The following NUP98 variants were observed in gnomAD, a reference collection of about 807,000 sequenced individuals.
NUP98 encodes nuclear pore complex protein Nup98-Nup96.
A neutral mutation model predicts 191.9 loss-of-function variants in NUP98; 26 were observed. The observed-to-expected ratio is 0.14, with a 90% CI of 0.10 to 0.19. The LOEUF is 0.19. Among genes scored for constraint, NUP98 ranks in the 10% least tolerant of loss-of-function variants. The pLI is 1.00. For missense variants in NUP98, 1,941 were observed against 2,178.8 expected (o/e 0.89, Z 2.17); for synonymous variants, 808 against 778.4 (o/e 1.04, Z -0.63).
chr11:3,770,161 A>G (rs1478703350), intron 7 of NUP98, among the ~76,000 whole-genome samples: 2 of 151,978 alleles, frequency 1.3e-5, no homozygotes, highest in African/African-American at 2.4e-5. Flanking sequence ...CCTGGCCAAC[A>G]TGGTGAAACC....
At chr11:3,754,798 T>C (rs778162121) in intron 10 of NUP98, among the ~76,000 whole-genome samples, 4 of 151,800 alleles carry the variant, frequency 2.6e-5, no homozygotes, top group Admixed American at 1.3e-4. Flanking sequence ...ACAAATTAGC[T>C]GGGTGTGGTG....
At chr11:3,763,418 T>G (rs905253215) in intron 8 of NUP98, among the ~76,000 whole-genome samples, 1 of 152,198 alleles carries the variant, frequency 6.6e-6, no homozygotes, top group Non-Finnish European at 1.5e-5. Flanking sequence ...AAATAGTATG[T>G]CTAGGTCCTT....
At chr11:3,743,897 C>A (rs1020373722) in intron 12 of NUP98, among the ~76,000 whole-genome samples, 5 of 148,904 alleles carry the variant, frequency 3.4e-5, no homozygotes, top group Non-Finnish European at 7.4e-5. Flanking sequence ...GCTCAAGATA[C>A]CAAAAAAAAA....
chr11:3,701,942 C>T (rs1433648801), intron 23 of NUP98, among the ~76,000 whole-genome samples: 1 of 152,030 alleles, frequency 6.6e-6, no homozygotes, highest in African/African-American at 2.4e-5. Context: ...CCATCTTGGC[C>T]TCCCAAAGTG....
At chr11:3,729,509 C>T (rs943107050) in intron 14 of NUP98, among the ~76,000 whole-genome samples, 3 of 140,636 alleles carry the variant, frequency 2.1e-5, no homozygotes, top group Admixed American at 7.3e-5. Flanking sequence ...GAGTTCGAGA[C>T]CACCGTGGGC....
At chr11:3,693,401 G>A in intron 26 of NUP98, 26 bp from the exon 27 acceptor site, 1 of 1,612,308 alleles carries the variant, frequency 6.2e-7, no homozygotes, top group Admixed American at 1.7e-5. Flanking sequence ...TCATCACCAT[G>A]GCTATATTCT....
At chr11:3,706,692 T>A (rs2078872287) in intron 20 of NUP98, 65 bp from the exon 21 acceptor site, 1 of 1,408,812 alleles carries the variant, frequency 7.1e-7, no homozygotes, top group Admixed American at 1.8e-5. Flanking sequence ...AGATTCTAAA[T>A]CAGATTTACT....
intron 20 of NUP98, among the ~76,000 whole-genome samples, chr11:3,711,029 C>T (rs1013494109): frequency 6.6e-6 from 1 of 151,992 alleles, no homozygotes; most frequent in Non-Finnish European, 1.5e-5. Context: ...CACTTGAGGC[C>T]AGGAGTTCAA....
At chr11:3,742,560 G>A (rs61877594) in intron 12 of NUP98, among the ~76,000 whole-genome samples, 7,677 of 151,890 alleles carry the variant, frequency 0.051, 256 homozygotes, top group Middle Eastern at 0.099. Context: ...AATTATATGC[G>A]TGGTGGCAGG....
intron 23 of NUP98, among the ~76,000 whole-genome samples, chr11:3,702,172 A>G (rs1037844416): frequency 1.3e-5 from 2 of 151,398 alleles, no homozygotes; most frequent in Non-Finnish European, 2.9e-5. Flanking sequence ...TGAGAGGCAG[A>G]GGTTGCAGCA....
At chr11:3,685,166 T>C (rs1256859849) in intron 29 of NUP98, among the ~76,000 whole-genome samples, 1 of 152,244 alleles carries the variant, frequency 6.6e-6, no homozygotes, top group Non-Finnish European at 1.5e-5. Flanking sequence ...TAAATGTTCA[T>C]TTTGTGTAAT....
intron 7 of NUP98, among the ~76,000 whole-genome samples, chr11:3,770,418 T>C (rs1488916859): frequency 6.6e-6 from 1 of 151,382 alleles, no homozygotes; most frequent in African/African-American, 2.4e-5. Context: ...ATCAGGGCTG[T>C]AGTGAGCCCT....
chr11:3,679,465 C>A, intron 31 of NUP98, 89 bp downstream of exon 31: 5 of 1,427,456 alleles, frequency 3.5e-6, no homozygotes, highest in Non-Finnish European at 3.9e-6. Context: ...AGTGCATTCT[C>A]AAGTGTATAC....
intron 22 of NUP98, among the ~76,000 whole-genome samples, chr11:3,704,322 T>A (rs1055692672): frequency 6.6e-6 from 1 of 152,226 alleles, no homozygotes; most frequent in African/African-American, 2.4e-5. Context: ...CTGCTTAAGT[T>A]CTTTGCTGAT....
chr11:3,779,469 C>T (rs2081874000), intron 2 of NUP98, among the ~76,000 whole-genome samples: 1 of 151,710 alleles, frequency 6.6e-6, no homozygotes, highest in African/African-American at 2.4e-5. Context: ...TGGAGAAACC[C>T]CGTTTCTACT....
intron 10 of NUP98, among the ~76,000 whole-genome samples, chr11:3,757,049 CTGCA>C (rs1046949153): frequency 6.6e-6 from 1 of 151,208 alleles, no homozygotes; most frequent in Non-Finnish European, 1.5e-5. Context: ...GATCGTGCCG[CTGCA>C]CTCCAGCCCG....
chr11:3,780,120 T>G (rs1005327351), intron 2 of NUP98, among the ~76,000 whole-genome samples: 6 of 152,124 alleles, frequency 3.9e-5, no homozygotes, highest in Non-Finnish European at 8.8e-5. Flanking sequence ...TGATGAGAGA[T>G]ACATATTTTG....
At chr11:3,788,307 T>C (rs1308949420) in intron 1 of NUP98, among the ~76,000 whole-genome samples, 1 of 152,182 alleles carries the variant, frequency 6.6e-6, no homozygotes, top group Non-Finnish European at 1.5e-5. Context: ...CATCTGTATT[T>C]AAAACTGTCA....
intron 30 of NUP98, among the ~76,000 whole-genome samples, chr11:3,681,812 C>G (rs1473890919): frequency 6.6e-6 from 1 of 152,162 alleles, no homozygotes; most frequent in Non-Finnish European, 1.5e-5. Flanking sequence ...TGAATTAGCC[C>G]TAAAGGGAGA....
Sources: gnomAD v4.1 joint callset for allele counts (sites outside exome capture counted in the v4.1 genomes callset) on GRCh38, gnomAD v4.1.1 for gene constraint, MANE v1.5 for transcripts, NCBI Gene and HGNC (gene_info 2026-07-23, HGNC 2026-07-21) for gene names.